ABCB8: variants seen among roughly 807,000 people sequenced by gnomAD.
ABCB8 encodes the protein ATP binding cassette subfamily B member 8, also known as mitochondrial potassium channel ATP-binding subunit.
Under a neutral mutation model 73.0 loss-of-function variants are expected in ABCB8, and 52 were observed. The ratio of observed to expected loss-of-function variants is 0.71; its 90% CI spans 0.57 to 0.90. ABCB8 has a LOEUF of 0.90. Ranked by LOEUF, ABCB8 falls within the 40% of genes least tolerant of loss-of-function variation. The probability of loss-of-function intolerance (pLI) is 0.00; values close to 1 mark genes in which losing one functional copy is unlikely to be tolerated. For synonymous variants in ABCB8, 428 were observed against 423.5 expected (o/e 1.01, Z -0.13); for missense variants, 909 against 974.6 (o/e 0.93, Z 0.90).
intron 5 of ABCB8, among the ~76,000 whole-genome samples, chr7:151,035,088 C>T (rs79292147): frequency 0.094 from 14,275 of 152,302 alleles, 968 homozygotes; most frequent in African/African-American, 0.19. Flanking sequence ...TTCCCAAGCA[C>T]TCAGACAAGA....
At chr7:151,034,935 A>G (rs1796263489) in intron 5 of ABCB8, 106 bp downstream of exon 5, 3 of 1,000,270 alleles carry the variant, frequency 3.0e-6, no homozygotes, top group African/African-American at 1.6e-5. Context: ...TGACAGGCGC[A>G]TGCTGACTCG....
chr7:151,034,516 C>A lies in ABCB8; in HGVS notation c.576C>A (p.Thr192=). 1.2e-6 allele frequency: 2 copies of A among 1,613,422 alleles called. No homozygotes were observed. Among genetic ancestry groups the A allele is most frequent in the Non-Finnish European group, 1.7e-6 (2 of 1,180,024 alleles). The stretch of plus-strand genomic sequence containing the variant: ...GGGCTCTTTCGCAGGGACTGCTGAC[C>A]TTCGGGTACCTGGTGCTGCTGTCCC... The part of the protein sequence containing the change: ...LILYGVQGLL[T]FGYLVLLSHV... The change falls in exon 4 of 16, where the codon ACC becomes ACA. Residue 192 remains threonine (T), a synonymous_variant. Transcript: ENST00000358849.
chr7:151,034,793 G>A lies in ABCB8; in HGVS notation c.729G>A (p.Gln243=), dbSNP rs999736858. 1.2e-6 allele frequency: 2 copies of A among 1,614,092 alleles called. No individual in the cohort carries two copies. Among genetic ancestry groups the A allele is most frequent in the African/African-American group, 2.7e-5 (2 of 75,044 alleles). ...QLVSRLTTDV[Q]EFKSSFKLVI... Reference sequence around the variant, plus strand: ...TGAGCCGCTTGACAACTGACGTGCAGGAGTTTAAGTCATCCTTCAAGCTTG... The same window carrying A: ...TGAGCCGCTTGACAACTGACGTGCAAGAGTTTAAGTCATCCTTCAAGCTTG... The change falls in exon 5 of 16, where the codon CAG becomes CAA. Residue 243 remains glutamine, a synonymous_variant. Coordinates refer to ENST00000358849, the MANE Select transcript of ABCB8 (RefSeq NM_007188.5).
At position 151,040,276 on chromosome 7, in the gene ABCB8, C is replaced by A; in HGVS notation, c.1226C>A (p.Ala409Asp). 1 of 1,613,118 alleles carries A rather than the reference C, an allele frequency of 6.2e-7. No individual in the cohort carries two copies. Residue 409 changes from alanine to aspartate, a missense_variant, in exon 10 of 16, where the codon GCC (alanine) becomes GAC (aspartate). Coordinates refer to ENST00000358849, the MANE Select transcript of ABCB8 (RefSeq NM_007188.5). ...VASQTVQRSMANLSVLFGQVV... is the reference protein window; with the variant it reads ...VASQTVQRSMDNLSVLFGQVV... ...TCTCCTTTTTCTGACAGGTCCATGG[C>A]CAACCTCTCTGTCCTGTTTGGGCAG...
chr7:151,031,380 C>T, intron 1 of ABCB8: 1 of 1,485,208 alleles, frequency 6.7e-7, no homozygotes, highest in Admixed American at 2.2e-5. Context: ...TGGGAGAAGG[C>T]CTCATGTAGG....
At position 151,036,578 on chromosome 7, in the gene ABCB8, C is replaced by G. The variant is rs754861863; in HGVS notation, c.1146C>G (p.Ser382=). ...TGGGTACCCTATTTATTGGGGGCTC[C>G]CTTGTGGCCGGACAGCAGCTGACAG... ...MVLGTLFIGG[S]LVAGQQLTGG... is the part of the protein sequence containing the mutation. The change falls in exon 9 of 16, where the codon TCC becomes TCG. Residue 382 remains serine (S), a synonymous_variant. Coordinates refer to ENST00000358849, the MANE Select transcript of ABCB8 (RefSeq NM_007188.5). The G allele has an allele frequency of 3.7e-6, 6 of 1,613,950 alleles. No homozygotes were observed. The South Asian group carries it at 5.5e-5, about 15-fold the overall frequency.
rs1383094267 is a variant in ABCB8, at chr7:151,045,572, T to G, written c.*223T>G. On this transcript the variant is annotated 3_prime_UTR_variant, in exon 16 of 16. Coordinates refer to ENST00000358849, the MANE Select transcript of ABCB8 (RefSeq NM_007188.5). The stretch of plus-strand genomic sequence containing the variant: ...CGGCTGCCTCCCTCCCACCAGAGTC[T>G]GCCAGAGTCATTGGGCTGCAATGGG... 1 of 484,916 alleles carries G rather than the reference T, an allele frequency of 2.1e-6. No individual in the cohort carries two copies. Among genetic ancestry groups the G allele is most frequent in the East Asian group, 3.6e-5 (1 of 27,732 alleles). 30.0% of individuals were successfully genotyped at this position (484,916 alleles called of 1,614,324 possible).
rs1164921816 is a variant in ABCB8, at chr7:151,047,236, AC to A, written c.*1891del. 6.6e-6 allele frequency: 1 copy of A among 152,080 alleles called. No homozygotes were observed. The highest frequency in any genetic ancestry group is 1.5e-5 in the Non-Finnish European group (1 of 68,020). The allele number at this position is 152,080 out of a possible 1,614,324, so 9.4% of individuals were successfully genotyped here. A position where few individuals can be genotyped will look rare whatever the true frequency, so the allele number is the denominator to read the frequency against. On this transcript the variant is annotated 3_prime_UTR_variant, in exon 16 of 16. Coordinates refer to ENST00000358849, the MANE Select transcript of ABCB8 (RefSeq NM_007188.5). ...ACCCGCCCCCTAGAGAAGCAGTGAAACCCCTTGGCTAGTCCAGCTGGAAGAG... is the reference window on the plus strand; with the variant it reads ...ACCCGCCCCCTAGAGAAGCAGTGAAACCCTTGGCTAGTCCAGCTGGAAGAG...
At chr7:151,039,076 G>A (rs897583307) in intron 9 of ABCB8, 1 of 152,296 alleles carries the variant, frequency 6.6e-6, no homozygotes, top group Non-Finnish European at 1.5e-5. Context: ...ATCAGAATCA[G>A]GGCCAGGCTC....
chr7:151,042,356 G>C (rs1168794699), intron 14 of ABCB8, among the ~76,000 whole-genome samples: 1 of 152,220 alleles, frequency 6.6e-6, no homozygotes, highest in African/African-American at 2.4e-5. Flanking sequence ...GGCTCTAGGA[G>C]GAGCTGGAGA....
Position 151,028,618 on chromosome 7 carries a change from C to G in ABCB8, c.95+8C>G. 6.2e-7 allele frequency: 1 copy of G among 1,612,736 alleles called. No homozygotes were observed. The highest frequency in any genetic ancestry group is 8.5e-7 in the Non-Finnish European group (1 of 1,179,872). ...GACATTCTCAGCTGTCAGGTAAAAA[C>G]GGAAAAACCTACTCAGAGCGGGCCA... On this transcript the variant is annotated splice_region_variant and intron_variant, in intron 1 of 15. Coordinates refer to ENST00000358849, the MANE Select transcript of ABCB8 (RefSeq NM_007188.5).
At chr7:151,044,921 G>A (rs527543870) in intron 15 of ABCB8, among the ~76,000 whole-genome samples, 3 of 152,350 alleles carry the variant, frequency 2.0e-5, no homozygotes, top group East Asian at 1.9e-4. Context: ...CAAGGCTGAG[G>A]GGCTCGTGCA....
chr7:151,037,900 G>T, intron 9 of ABCB8: 1 of 163,088 alleles, frequency 6.1e-6, no homozygotes, highest in Non-Finnish European at 1.3e-5. Flanking sequence ...CCCCGTTTCT[G>T]CTCGTGCTCC....
In ABCB8 at chr7:151,035,602, G is replaced by C; in HGVS notation, c.787G>C (p.Val263Leu). 6.2e-7 allele frequency: 1 copy of C among 1,601,808 alleles called. No homozygotes were observed. The highest frequency in any genetic ancestry group is 1.7e-5 in the Admixed American group (1 of 59,836). The stretch of plus-strand genomic sequence containing the variant: ...CTAGGGGCTGCGAAGCTGCACCCAG[G>C]TGGCAGGCTGCCTGGTGTCCCTGTC... The part of the protein sequence containing the change: ...ISQGLRSCTQ[V>L]AGCLVSLSML... Residue 263 changes from valine to leucine, a missense_variant, in exon 6 of 16, where the codon GTG (valine) becomes CTG (leucine). Coordinates refer to ENST00000358849, the MANE Select transcript of ABCB8 (RefSeq NM_007188.5).
chr7:151,037,048 T>C, intron 9 of ABCB8: 1 of 689,354 alleles, frequency 1.5e-6, no homozygotes, highest in Non-Finnish European at 2.7e-6. Flanking sequence ...ACCGTCCGCC[T>C]CCAGAACTCT....
chr7:151,047,266 G>C lies in ABCB8; in HGVS notation c.*1917G>C, dbSNP rs1247205024. 7.2e-6 allele frequency: 1 copy of C among 139,516 alleles called. No individual in the cohort carries two copies. The highest frequency in any genetic ancestry group is 1.6e-5 in the Non-Finnish European group (1 of 62,980). The allele number at this position is 139,516 out of a possible 1,614,324, so 8.6% of individuals were successfully genotyped here. On this transcript the variant is annotated 3_prime_UTR_variant, in exon 16 of 16. Transcript: ENST00000358849. Reference sequence around the variant, plus strand: ...TTGGCTAGTCCAGCTGGAAGAGCTAGACCGCAGGAGCCGCGCCGTCTTCCT... The same window carrying C: ...TTGGCTAGTCCAGCTGGAAGAGCTACACCGCAGGAGCCGCGCCGTCTTCCT...
chr7:151,038,765 C>A (rs1015129379), intron 9 of ABCB8: 2 of 152,208 alleles, frequency 1.3e-5, no homozygotes, highest in African/African-American at 4.8e-5. Context: ...TCGCTGGCTG[C>A]TCCCACAGCC....
At chr7:151,028,676 G>C (rs779693625) in intron 1 of ABCB8, 66 bp downstream of exon 1, 18 of 1,576,456 alleles carry the variant, frequency 1.1e-5, no homozygotes, top group Admixed American at 1.8e-5. Flanking sequence ...CCGGCCCGCC[G>C]GGAGATGGAG....
chr7:151,043,817 T>C (rs1400148154), intron 14 of ABCB8, among the ~76,000 whole-genome samples, 154 bp from the exon 15 acceptor site: 1 of 32,188 alleles, frequency 3.1e-5, no homozygotes. Flanking sequence ...GGATGCACAG[T>C]GCGGGGTGGG....
Sources: gnomAD v4.1 joint callset for allele counts (sites outside exome capture counted in the v4.1 genomes callset) on GRCh38, gnomAD v4.1.1 for gene constraint, MANE v1.5 for transcripts, NCBI Gene and HGNC (gene_info 2026-07-23, HGNC 2026-07-21) for gene names.